Variants in SYNE1 observed in about 807,000 individuals in gnomAD.
SYNE1 encodes the protein spectrin repeat containing nuclear envelope protein 1.
Under a neutral mutation model 1,111.0 loss-of-function variants are expected in SYNE1, and 616 were observed. The ratio of observed to expected loss-of-function variants is 0.55; its 90% CI spans 0.52 to 0.59. SYNE1 has a LOEUF of 0.59. SYNE1 is among the 20% of genes least tolerant of loss of function. The probability of loss-of-function intolerance (pLI) is 0.00; values close to 1 mark genes in which losing one functional copy is unlikely to be tolerated. For synonymous variants in SYNE1, 3,855 were observed against 3,825.8 expected (o/e 1.01, Z -0.28); for missense variants, 10,006 against 10,417.0 (o/e 0.96, Z 1.72).
At chr6:152,342,143 A>T (rs1259695016) in intron 74 of SYNE1, among the ~76,000 whole-genome samples, 1 of 152,224 alleles carries the variant, frequency 6.6e-6, no homozygotes, top group Non-Finnish European at 1.5e-5. Context: ...ACAGTCACGT[A>T]ATCTGGAAGA....
intron 119 of SYNE1, among the ~76,000 whole-genome samples, chr6:152,219,517 C>A (rs1263921291): frequency 2.7e-5 from 4 of 146,036 alleles, no homozygotes; most frequent in East Asian, 2.1e-4. Flanking sequence ...ACAAACATGA[C>A]CCAAGAGTAG....
intron 108 of SYNE1, among the ~76,000 whole-genome samples, chr6:152,237,680 C>T (rs1443566618): frequency 6.6e-6 from 1 of 152,030 alleles, no homozygotes; most frequent in Non-Finnish European, 1.5e-5. Flanking sequence ...GGATGTTTGC[C>T]TTTCATGTAA....
In SYNE1 at chr6:152,347,201, C is replaced by T. The variant is rs142444474; in HGVS notation, c.11936G>A (p.Arg3979His). The T allele has an allele frequency of 6.8e-6, 11 of 1,614,042 alleles. No individual in the cohort carries two copies. In the African/African-American group the frequency reaches 9.3e-5, roughly 14 times the overall value. Residue 3979 changes from arginine (R) to histidine (H), a missense_variant, in exon 73 of 146, where the codon CGT (arginine) becomes CAT (histidine). Physicochemically the swap from Arg to His is conservative, Grantham distance 29 (BLOSUM62 0). This residue lies in a region of SYNE1 where 4,955 missense variants were observed against 5,017.2 expected (regional missense o/e 0.99). Coordinates refer to ENST00000367255, the MANE Select transcript of SYNE1 (RefSeq NM_182961.4). The part of the protein sequence containing the change: ...MMEEIAGFED[R>H]LNNLQMKGDT... ...ACCTTTCATTTGAAGATTGTTCAAA[C>T]GGTCTTCAAAACCAGCAATTTCTTC...
In SYNE1 at chr6:152,437,101, G is replaced by C. The variant is rs192921218; in HGVS notation, c.4150-1000C>G. Among the ~76,000 whole-genome samples, 60 of 152,130 alleles carry C rather than the reference G, an allele frequency of 3.9e-4. No homozygotes were observed. The East Asian group carries it at 0.011, about 29-fold the overall frequency. On this transcript the variant is annotated intron_variant, in intron 32 of 145. Coordinates refer to ENST00000367255, the MANE Select transcript of SYNE1 (RefSeq NM_182961.4). ...AGGAGATAGAGGCTGCAGTGAGCAGGCATAATGGCGCCACTACATTCCAGC... is the reference window on the plus strand; with the variant it reads ...AGGAGATAGAGGCTGCAGTGAGCAGCCATAATGGCGCCACTACATTCCAGC...
Position 152,290,061 on chromosome 6 carries a change from T to C in SYNE1, c.18012+3527A>G, listed in dbSNP as rs1039283591. On this transcript the variant is annotated intron_variant, in intron 95 of 145. Coordinates refer to ENST00000367255, the MANE Select transcript of SYNE1 (RefSeq NM_182961.4). ...CCACAGTTCTTCTCACATTCTATTT[T>C]AGTTGTTACATATATGAAAAAACAA... 3.9e-5 allele frequency among the ~76,000 whole-genome samples: 6 copies of C among 152,250 alleles called. 1 individual carries two copies. Among genetic ancestry groups the C allele is most frequent in the Admixed American group, 3.9e-4 (6 of 15,296 alleles).
rs376844951 is a variant in SYNE1, at chr6:152,180,222, G to T, written c.23374C>A (p.Leu7792Ile). The change falls in exon 129 of 146, where the codon CTC (leucine) becomes ATC (isoleucine). Residue 7792 changes from leucine (L) to isoleucine (I), a missense_variant. By Grantham distance (5) the Leu-to-Ile change is conservative. Around this residue, in one of 7 missense-constraint regions of SYNE1, gnomAD observed 2,182 missense variants for 2,287.8 expected, o/e 0.95. Coordinates refer to ENST00000367255, the MANE Select transcript of SYNE1 (RefSeq NM_182961.4). ...WAVFSEKNKE[L>I]CEWLTQMESK... is the part of the protein sequence containing the mutation. Reference sequence around the variant, plus strand: ...TCCATTTGAGTCAACCACTCACAGAGTTCCTTGTTCTTTTCACTGAAGACT... The same window carrying T: ...TCCATTTGAGTCAACCACTCACAGATTTCCTTGTTCTTTTCACTGAAGACT... The T allele has an allele frequency of 9.9e-6, 16 of 1,613,932 alleles. No individual in the cohort carries two copies. In the East Asian group the frequency reaches 2.7e-4, roughly 27 times the overall value.
intron 3 of SYNE1, among the ~76,000 whole-genome samples, chr6:152,541,042 A>G (rs560918650): frequency 2.8e-4 from 42 of 152,340 alleles, no homozygotes; most frequent in African/African-American, 9.6e-4. Context: ...GAGATAATAA[A>G]TGATTGTTGC....
intron 3 of SYNE1, among the ~76,000 whole-genome samples, chr6:152,578,569 G>T (rs1170896225): frequency 6.6e-6 from 1 of 152,056 alleles, no homozygotes; most frequent in Non-Finnish European, 1.5e-5. Context: ...ACTATGGCCT[G>T]GGCAGCAGAG....
chr6:152,406,114 A>C (rs2154161596), intron 45 of SYNE1, among the ~76,000 whole-genome samples: 1 of 152,302 alleles, frequency 6.6e-6, no homozygotes, highest in African/African-American at 2.4e-5. Context: ...AATTTGAAGA[A>C]TGATTAACAA....
chr6:152,141,477 C>T, intron 138 of SYNE1, 148 bp from the exon 139 acceptor site: 2 of 1,080,174 alleles, frequency 1.9e-6, no homozygotes, highest in East Asian at 2.5e-5. Context: ...GCCAAGATGG[C>T]CGAGTGTGGT....
At chr6:152,340,835 A>C (rs2096519743) in intron 74 of SYNE1, among the ~76,000 whole-genome samples, 1 of 152,180 alleles carries the variant, frequency 6.6e-6, no homozygotes, top group Admixed American at 6.5e-5. Context: ...GCAGGCAGCT[A>C]TGGTGTCCAG....
At chr6:152,151,938 C>A in intron 134 of SYNE1, 21 bp downstream of exon 134, 1 of 1,613,326 alleles carries the variant, frequency 6.2e-7, no homozygotes, top group Non-Finnish European at 8.5e-7. Flanking sequence ...CTCTAAATTA[C>A]AGATGAGGCA....
At chr6:152,464,863 G>A (rs1307522278) in intron 18 of SYNE1, 1 of 282,300 alleles carries the variant, frequency 3.5e-6, no homozygotes, top group Non-Finnish European at 6.9e-6. Context: ...AGATACAAAT[G>A]TCATGGTCCA....
intron 125 of SYNE1, among the ~76,000 whole-genome samples, chr6:152,207,102 C>T (rs2076655566): frequency 6.6e-6 from 1 of 152,096 alleles, no homozygotes; most frequent in South Asian, 2.1e-4. Flanking sequence ...CTAACCAAGG[C>T]AGTGGCAGCA....
rs763013262 is a variant in SYNE1, at chr6:152,471,585, CG to C, written c.1632+11del. 3.4e-5 allele frequency: 55 copies of C among 1,613,466 alleles called. 1 individual carries two copies. In the East Asian group the frequency reaches 1.2e-3, roughly 34 times the overall value. ...CTCATAGGAATTCTCTGTCAAAGCA[CG>C]GGGGACTCACCACGTAGTTTTGTAG... On this transcript the variant is annotated intron_variant, in intron 16 of 145. Transcript: ENST00000367255.
At chr6:152,310,076 A>C in intron 89 of SYNE1, 59 bp from the exon 90 acceptor site, 1 of 1,538,452 alleles carries the variant, frequency 6.5e-7, no homozygotes. Context: ...TTTCATAAGC[A>C]AAAGGCACTA....
At chr6:152,277,024 G>T (rs1470064116) in intron 98 of SYNE1, among the ~76,000 whole-genome samples, 3 of 151,174 alleles carry the variant, frequency 2.0e-5, no homozygotes, top group Non-Finnish European at 4.4e-5. Context: ...CCAAGTAGCT[G>T]GGACTACAGG....
intron 143 of SYNE1, among the ~76,000 whole-genome samples, chr6:152,132,757 C>A (rs2056117446): frequency 6.6e-6 from 1 of 152,052 alleles, no homozygotes; most frequent in Admixed American, 6.6e-5. Context: ...TGAAATCTTA[C>A]CAGGCATCAC....
At chr6:152,275,556 T>C (rs1304506103) in intron 98 of SYNE1, among the ~76,000 whole-genome samples, 2 of 152,154 alleles carry the variant, frequency 1.3e-5, no homozygotes, top group African/African-American at 4.8e-5. Context: ...CACCAAACTA[T>C]TTTAATTATT....
Sources: allele counts gnomAD v4.1 joint callset (sites outside exome capture counted in the v4.1 genomes callset), GRCh38; gene constraint gnomAD v4.1.1; regional missense constraint gnomAD v4.1.1; transcripts MANE v1.5; gene names NCBI Gene and HGNC (gene_info 2026-07-23, HGNC 2026-07-21).